The following TACR3 variants were observed in gnomAD, a reference collection of about 807,000 sequenced individuals.
TACR3 encodes the protein neuromedin-K receptor.
Under a neutral mutation model 35.0 loss-of-function variants are expected in TACR3, and 34 were observed. The ratio of observed to expected loss-of-function variants is 0.97; its 90% CI spans 0.74 to 1.30. The LOEUF is 1.30. TACR3 is among the 50% of genes most tolerant of loss of function. The pLI is 0.00. For missense variants in TACR3, 558 were observed against 591.7 expected, an observed-to-expected ratio of 0.94 and a Z score of 0.59; for synonymous variants, 233 against 221.1, an observed-to-expected ratio of 1.05 and a Z score of -0.48.
rs573113810 is a variant in TACR3, at chr4:103,622,842, C to A, written c.889-31159G>T. ...AGTTATGGAGCTCAGTAGCAAGCAG[C>A]TATCAGACCCAGAGGAGACTAATGT... On this transcript the variant is annotated intron_variant, in intron 3 of 4. Coordinates refer to ENST00000304883, the MANE Select transcript of TACR3 (RefSeq NM_001059.3). 3.6e-4 allele frequency among the ~76,000 whole-genome samples: 55 copies of A among 152,246 alleles called. No homozygotes were observed. The South Asian group carries it at 8.7e-3, about 24-fold the overall frequency.
chr4:103,604,690 C>T (rs1261573680), intron 3 of TACR3, among the ~76,000 whole-genome samples: 2 of 151,504 alleles, frequency 1.3e-5, no homozygotes, highest in Non-Finnish European at 2.9e-5. Context: ...AACAAATTTA[C>T]AAGAAAAAAA....
At chr4:103,597,768 C>CA (rs1724071910) in intron 3 of TACR3, among the ~76,000 whole-genome samples, 1 of 152,156 alleles carries the variant, frequency 6.6e-6, no homozygotes, top group East Asian at 1.9e-4. Context: ...CATGTCCCTA[C>CA]AAAGGACATG....
intron 4 of TACR3, among the ~76,000 whole-genome samples, chr4:103,590,288 T>A (rs1197728154): frequency 6.6e-6 from 1 of 152,198 alleles, no homozygotes; most frequent in Non-Finnish European, 1.5e-5. Context: ...GTAATCAATA[T>A]GTTAAAGAAA....
At chr4:103,611,369 AT>A (rs961440738) in intron 3 of TACR3, among the ~76,000 whole-genome samples, 3 of 151,960 alleles carry the variant, frequency 2.0e-5, no homozygotes, top group African/African-American at 7.3e-5. Context: ...TAGTTACTTT[AT>A]TTTTTTGTAG....
chr4:103,623,864 C>T (rs758334818), intron 3 of TACR3, among the ~76,000 whole-genome samples: 6 of 152,070 alleles, frequency 3.9e-5, no homozygotes, highest in Non-Finnish European at 7.4e-5. Flanking sequence ...GACTCGTTTT[C>T]GGATGATGGA....
chr4:103,684,013 T>G (rs1313544140), intron 1 of TACR3, among the ~76,000 whole-genome samples: 1 of 152,054 alleles, frequency 6.6e-6, no homozygotes, highest in African/African-American at 2.4e-5. Context: ...GAAAAAAAAT[T>G]TGATGAAGTT....
At chr4:103,672,480 G>C (rs1214099655) in intron 1 of TACR3, among the ~76,000 whole-genome samples, 1 of 152,084 alleles carries the variant, frequency 6.6e-6, no homozygotes, top group African/African-American at 2.4e-5. Context: ...GAGCTCTTGG[G>C]TTACTAGGTG....
intron 1 of TACR3, among the ~76,000 whole-genome samples, chr4:103,692,737 C>CATTAGATATTG (rs1316607963): frequency 6.6e-6 from 1 of 152,054 alleles, no homozygotes; most frequent in Non-Finnish European, 1.5e-5. Flanking sequence ...AATACTGTGT[C>CATTAGATATTG]ATTAGATATT....
At chr4:103,714,011 G>A (rs1723031535) in intron 1 of TACR3, among the ~76,000 whole-genome samples, 1 of 152,124 alleles carries the variant, frequency 6.6e-6, no homozygotes, top group Non-Finnish European at 1.5e-5. Flanking sequence ...TGAGATTTGA[G>A]TGGCTTTAAG....
At chr4:103,631,285 A>G (rs1363567461) in intron 3 of TACR3, among the ~76,000 whole-genome samples, 1 of 152,052 alleles carries the variant, frequency 6.6e-6, no homozygotes, top group Non-Finnish European at 1.5e-5. Flanking sequence ...GTGTATCAAC[A>G]CTGCACGTTG....
chr4:103,593,760 TC>T (rs1394343137), intron 3 of TACR3, among the ~76,000 whole-genome samples: 2 of 152,266 alleles, frequency 1.3e-5, no homozygotes, highest in African/African-American at 4.8e-5. Context: ...TGAGTGCTAT[TC>T]TGACCAATTA....
At chr4:103,622,745 C>G (rs763431846) in intron 3 of TACR3, among the ~76,000 whole-genome samples, 1 of 151,900 alleles carries the variant, frequency 6.6e-6, no homozygotes, top group Non-Finnish European at 1.5e-5. Context: ...CCTCCAACCC[C>G]CACATAAAAA....
At chr4:103,618,791 T>C (rs547371394) in intron 3 of TACR3, among the ~76,000 whole-genome samples, 3 of 152,242 alleles carry the variant, frequency 2.0e-5, no homozygotes, top group Admixed American at 1.3e-4. Flanking sequence ...TTTGTAGTTC[T>C]CCTTGTAAAG....
At chr4:103,696,329 C>A (rs1405520603) in intron 1 of TACR3, among the ~76,000 whole-genome samples, 1 of 152,194 alleles carries the variant, frequency 6.6e-6, no homozygotes, top group Admixed American at 6.5e-5. Context: ...AACTCCCTTA[C>A]TCTCAGTTAT....
At chr4:103,689,994 T>C (rs1368886842) in intron 1 of TACR3, among the ~76,000 whole-genome samples, 1 of 152,098 alleles carries the variant, frequency 6.6e-6, no homozygotes, top group Non-Finnish European at 1.5e-5. Context: ...AAGAGAGCCA[T>C]AATGAAATTA....
intron 3 of TACR3, among the ~76,000 whole-genome samples, chr4:103,642,813 A>G (rs1277148599): frequency 6.6e-6 from 1 of 151,888 alleles, no homozygotes; most frequent in Admixed American, 6.6e-5. Context: ...GCTGTAAGAA[A>G]GATTTGGAAT....
chr4:103,689,617 T>A (rs956784937), intron 1 of TACR3, among the ~76,000 whole-genome samples: 1 of 151,858 alleles, frequency 6.6e-6, no homozygotes, highest in Non-Finnish European at 1.5e-5. Flanking sequence ...GGTAGAACAA[T>A]AGAGATTTTT....
At chr4:103,643,383 G>A (rs1302189138) in intron 3 of TACR3, among the ~76,000 whole-genome samples, 1 of 151,322 alleles carries the variant, frequency 6.6e-6, no homozygotes, top group East Asian at 1.9e-4. Context: ...TTTCAGTAGG[G>A]GGGAGATTGC....
chr4:103,674,327 T>TC (rs1726121470), intron 1 of TACR3, among the ~76,000 whole-genome samples: 1 of 151,754 alleles, frequency 6.6e-6, no homozygotes, highest in Non-Finnish European at 1.5e-5. Context: ...TTTTTTTTTT[T>TC]CTCTGTTGTT....
Sources: allele counts gnomAD v4.1 joint callset (sites outside exome capture counted in the v4.1 genomes callset), GRCh38; gene constraint gnomAD v4.1.1; transcripts MANE v1.5; gene names NCBI Gene and HGNC (gene_info 2026-07-23, HGNC 2026-07-21).